STX1A: variants seen among roughly 807,000 people sequenced by gnomAD.
STX1A encodes the protein syntaxin 1A.
STX1A carries 4 observed loss-of-function variants against 37.8 expected under a neutral mutation model. The ratio of observed to expected loss-of-function variants is 0.11; its 90% CI spans 0.05 to 0.24. The LOEUF (loss-of-function observed/expected upper bound fraction) is 0.24. Among genes scored for constraint, STX1A ranks in the 10% least tolerant of loss-of-function variants. STX1A has a pLI of 1.00. For missense variants in STX1A, 251 were observed against 399.9 expected (o/e 0.63, Z 3.18); for synonymous variants, 135 against 147.4 (o/e 0.92, Z 0.61).
At chr7:73,719,519 GCCGCGGGAGC>G in intron 1 of STX1A, 73 bp downstream of exon 1, 5 of 1,167,062 alleles carry the variant, frequency 4.3e-6, no homozygotes, top group Non-Finnish European at 5.3e-6. Flanking sequence ...CACCATCCTG[GCCGCGGGAGC>G]CGGGCGGGAA....
In STX1A at chr7:73,700,641, G is replaced by A. The variant is rs1401929111; in HGVS notation, c.789+89C>T. ...GTCATGGGGAGCTCCTGAGAGAAGG[G>A]AGAGAGGTGGGATGGGGAGGGATGT... On this transcript the variant is annotated intron_variant, in intron 9 of 9. Transcript: ENST00000222812. The surrounding 1 kb of genome is among the most constrained non-coding windows in gnomAD (Gnocchi z 4.4). The A allele has an allele frequency of 7.7e-6, 12 of 1,555,010 alleles. No individual in the cohort carries two copies. The highest frequency in any genetic ancestry group is 1.4e-5 in the African/African-American group (1 of 73,770).
intron 1 of STX1A, among the ~76,000 whole-genome samples, chr7:73,712,953 C>CCCCT (rs1344286366): frequency 6.6e-6 from 1 of 152,160 alleles, no homozygotes; most frequent in Non-Finnish European, 1.5e-5. Context: ...TCTGGCCCAT[C>CCCCT]CCCTCCCTCT....
intron 1 of STX1A, among the ~76,000 whole-genome samples, chr7:73,714,177 C>T (rs755364224): frequency 1.1e-4 from 17 of 151,622 alleles, no homozygotes; most frequent in East Asian, 1.9e-4. Flanking sequence ...GGCGCAATCT[C>T]GGCTCACCAC....
rs757358265 is a variant in STX1A, at chr7:73,709,668, C to T, written c.31-546G>A. ...GGCTCAAGCGATCCTCCCAACTCAGCATCCCGAGTAGCTGGAATTATAGGT... is the reference window on the plus strand; with the variant it reads ...GGCTCAAGCGATCCTCCCAACTCAGTATCCCGAGTAGCTGGAATTATAGGT... On this transcript the variant is annotated intron_variant, in intron 1 of 9. Transcript: ENST00000222812. The surrounding 1 kb of genome is among the most constrained non-coding windows in gnomAD (Gnocchi z 4.2). Among the ~76,000 whole-genome samples the T allele has an allele frequency of 5.3e-5, 8 of 152,136 alleles. No homozygotes were observed. Among genetic ancestry groups the T allele is most frequent in the Non-Finnish European group, 1.2e-4 (8 of 68,022 alleles).
intron 1 of STX1A, among the ~76,000 whole-genome samples, chr7:73,715,018 G>T (rs566437643): frequency 3.3e-5 from 5 of 151,766 alleles, no homozygotes; most frequent in Admixed American, 6.6e-5. Context: ...CCAGCTACTC[G>T]GTAGGATGAG....
rs1462935418 is a variant in STX1A, at chr7:73,709,193, G to T, written c.31-71C>A. 6.6e-7 allele frequency: 1 copy of T among 1,516,432 alleles called. No homozygotes were observed. 93.9% of individuals were successfully genotyped at this position (1,516,432 alleles called of 1,614,324 possible). ...ACCTGTACACACGCAGGTGCCCAGG[G>T]TACAGCGCCAGGGCCCTGCCCCTCC... On this transcript the variant is annotated intron_variant, in intron 1 of 9. Transcript: ENST00000222812. The surrounding 1 kb of genome is among the most constrained non-coding windows in gnomAD (Gnocchi z 4.2).
intron 1 of STX1A, among the ~76,000 whole-genome samples, chr7:73,718,342 C>T (rs1157429662): frequency 1.1e-4 from 17 of 152,120 alleles, no homozygotes; most frequent in African/African-American, 7.2e-5. Context: ...GCCCAGGTCC[C>T]GGCTCCAGGA....
At position 73,705,042 on chromosome 7, in the gene STX1A, G is replaced by A; in HGVS notation, c.283+108C>T. ...GGCACATGACGCCACCCTCAGAAAG[G>A]AAAGCAAGATCCGGCGCACCCCCTC... On this transcript the variant is annotated intron_variant, in intron 4 of 9. Transcript: ENST00000222812. This position sits in a 1 kb window ranked among gnomAD's most constrained non-coding sequence, Gnocchi z 5.2. 1.8e-6 allele frequency: 2 copies of A among 1,098,190 alleles called. No individual in the cohort carries two copies. Among genetic ancestry groups the A allele is most frequent in the Non-Finnish European group, 2.8e-6 (2 of 719,800 alleles). The allele number at this position is 1,098,190 out of a possible 1,614,324, so 68.0% of individuals were successfully genotyped here.
At position 73,705,012 on chromosome 7, in the gene STX1A, G is replaced by C; in HGVS notation, c.283+138C>G. ...GGGCCTTGCCAAGTAGCTGCTGAGT[G>C]AATGGGCACATGACGCCACCCTCAG... On this transcript the variant is annotated intron_variant, in intron 4 of 9. Coordinates refer to ENST00000222812, the MANE Select transcript of STX1A (RefSeq NM_004603.4). The surrounding 1 kb of genome is among the most constrained non-coding windows in gnomAD (Gnocchi z 5.2). 1 of 845,302 alleles carries C rather than the reference G, an allele frequency of 1.2e-6. No individual in the cohort carries two copies. Among genetic ancestry groups the C allele is most frequent in the Non-Finnish European group, 2.0e-6 (1 of 504,232 alleles). 52.4% of individuals were successfully genotyped at this position (845,302 alleles called of 1,614,324 possible).
chr7:73,704,230 C>T lies in STX1A; in HGVS notation c.384G>A (p.Val128=). 1 of 1,614,008 alleles carries T rather than the reference C, an allele frequency of 6.2e-7. No individual in the cohort carries two copies. The highest frequency in any genetic ancestry group is 8.5e-7 in the Non-Finnish European group (1 of 1,180,018). Residue 128 remains valine, a synonymous_variant, in exon 6 of 10, where the codon GTG becomes GTA. Transcript: ENST00000222812. ...TQHSTLSRKF[V]EVMSEYNATQ... ...TGGCGTTGTACTCCGACATGACCTCCACAAACTTTCTGGACAGCGTGGAGT... is the reference window on the plus strand; with the variant it reads ...TGGCGTTGTACTCCGACATGACCTCTACAAACTTTCTGGACAGCGTGGAGT...
rs1425731697 is a variant in STX1A at position 73,700,166 on chromosome 7, G to A, written c.*241C>T. The A allele has an allele frequency of 5.1e-6, 3 of 589,938 alleles. No individual in the cohort carries two copies. The highest frequency in any genetic ancestry group is 1.9e-5 in the African/African-American group (1 of 53,600). 36.5% of individuals were successfully genotyped at this position (589,938 alleles called of 1,614,324 possible). A position where few individuals can be genotyped will look rare whatever the true frequency, so the allele number is the denominator to read the frequency against. ...GGGTCTGCTCCTCGCTGTGCACACT[G>A]CATCACGCCCCGCTGGCTGCCTCCC... On this transcript the variant is annotated 3_prime_UTR_variant, in exon 10 of 10. Transcript: ENST00000222812. This position sits in a 1 kb window ranked among gnomAD's most constrained non-coding sequence, Gnocchi z 4.4.
At chr7:73,701,180 A>C in intron 8 of STX1A, 1 of 570,078 alleles carries the variant, frequency 1.8e-6, no homozygotes, top group Non-Finnish European at 3.1e-6. Context: ...GGTATGCTGG[A>C]GTCTGGTCCT....
intron 3 of STX1A, among the ~76,000 whole-genome samples, chr7:73,707,449 A>G (rs1238346994): frequency 6.6e-6 from 1 of 152,128 alleles, no homozygotes. Context: ...TTGCCCTCCC[A>G]CAGCGCTGAC....
rs1554617460 is a variant in STX1A, at chr7:73,708,680, C to G, written c.117G>C (p.Glu39Asp). The G allele has an allele frequency of 6.2e-7, 1 of 1,613,990 alleles. No homozygotes were observed. Among genetic ancestry groups the G allele is most frequent in the Admixed American group, 1.7e-5 (1 of 60,016 alleles). The change falls in exon 3 of 10, where the codon GAG becomes GAC. Residue 39 changes from glutamate (E) to aspartate (D), a missense_variant. By Grantham distance (45) the Glu-to-Asp change is conservative. This residue lies in a region of STX1A where 214 missense variants were observed against 367.6 expected (regional missense o/e 0.58). Transcript: ENST00000222812. ...FMDEFFEQVE[E>D]IRGFIDKIAE... ...CGATCTTGTCAATGAAGCCTCGAAT[C>G]TCCTCCACCTGCGGACCAAGGCCAG...
At chr7:73,704,325 C>G (rs1554616469) in intron 5 of STX1A, 25 bp downstream of exon 5, 1 of 1,613,938 alleles carries the variant, frequency 6.2e-7, no homozygotes. Context: ...CAGGTGCCCG[C>G]CCATCCTAGA....
intron 1 of STX1A, among the ~76,000 whole-genome samples, chr7:73,718,973 A>AT (rs1799395506): frequency 7.0e-6 from 1 of 143,014 alleles, no homozygotes; most frequent in Non-Finnish European, 1.5e-5. Flanking sequence ...CCCCCCCCCC[A>AT]TACCTGGGGC....
chr7:73,705,189 T>C lies in STX1A; in HGVS notation c.244A>G (p.Ile82Val). 6.2e-7 allele frequency: 1 copy of C among 1,614,150 alleles called. No homozygotes were observed. Among genetic ancestry groups the C allele is most frequent in the Non-Finnish European group, 8.5e-7 (1 of 1,180,014 alleles). The part of the protein sequence containing the change: ...KEELEELMSD[I>V]KKTANKVRSK... ...CGAACTTTGTTTGCTGTCTTCTTTA[T>C]GTCGGACATGAGTTCTTCCAGCTCC... Residue 82 changes from isoleucine to valine, a missense_variant, in exon 4 of 10, where the codon ATA becomes GTA. This residue lies in a region of STX1A where 214 missense variants were observed against 367.6 expected (regional missense o/e 0.58). Transcript: ENST00000222812. The surrounding 1 kb of genome is among the most constrained non-coding windows in gnomAD (Gnocchi z 5.2).
rs1554616498 is a variant in STX1A at position 73,704,428 on chromosome 7, G to T, written c.284-5C>A. 6.2e-7 allele frequency: 1 copy of T among 1,613,962 alleles called. No homozygotes were observed. ...GCTCGATGGACTGCTCGATGCCTGG[G>T]GGCACAGGTGGCTGCTAAGTCATAA... On this transcript the variant is annotated splice_region_variant and splice_polypyrimidine_tract_variant and intron_variant, in intron 4 of 9. Coordinates refer to ENST00000222812, the MANE Select transcript of STX1A (RefSeq NM_004603.4).
chr7:73,704,279 C>T, intron 5 of STX1A, 23 bp from the exon 6 acceptor site: 7 of 1,613,898 alleles, frequency 4.3e-6, no homozygotes, highest in Non-Finnish European at 5.9e-6. Flanking sequence ...GATGGAGGTG[C>T]AGGGGTCAGG....
Sources: gnomAD v4.1 joint callset for allele counts (sites outside exome capture counted in the v4.1 genomes callset) on GRCh38, gnomAD v4.1.1 for gene constraint, gnomAD v4.1.1 regional missense constraint, Gnocchi (gnomAD v3.1) non-coding constraint, MANE v1.5 for transcripts, NCBI Gene and HGNC (gene_info 2026-07-23, HGNC 2026-07-21) for gene names.